The following CSMD1 variants were observed in gnomAD, a reference collection of about 807,000 sequenced individuals.
CSMD1 encodes the protein CUB and Sushi multiple domains 1.
Under a neutral mutation model 417.5 loss-of-function variants are expected in CSMD1, and 213 were observed. The observed-to-expected ratio is 0.51, with a 90% CI of 0.46 to 0.57. The LOEUF is 0.57. Among genes scored for constraint, CSMD1 ranks in the 20% least tolerant of loss-of-function variants. CSMD1 has a pLI of 0.00. For synonymous variants in CSMD1, 2,862 were observed against 1,736.8 expected, an observed-to-expected ratio of 1.65 and a Z score of -16.11; for missense variants, 6,923 against 4,529.7, an observed-to-expected ratio of 1.53 and a Z score of -15.17.
chr8:2,956,981 C>A (rs898764331), intron 63 of CSMD1, among the ~76,000 whole-genome samples: 2 of 150,782 alleles, frequency 1.3e-5, no homozygotes, highest in African/African-American at 2.5e-5. Context: ...ACCCAAAAAT[C>A]ACACCTTATA....
At chr8:4,195,869 A>G (rs1395355398) in intron 3 of CSMD1, among the ~76,000 whole-genome samples, 1 of 152,124 alleles carries the variant, frequency 6.6e-6, no homozygotes, top group East Asian at 1.9e-4. Context: ...AGCATGCGAG[A>G]CTTACGGCAG....
intron 8 of CSMD1, among the ~76,000 whole-genome samples, chr8:3,611,938 G>C (rs534077359): frequency 2.6e-5 from 4 of 152,148 alleles, no homozygotes; most frequent in South Asian, 2.1e-4. Flanking sequence ...TAAAATTTAA[G>C]ATGACATCAT....
At chr8:4,273,572 A>G (rs982841047) in intron 3 of CSMD1, among the ~76,000 whole-genome samples, 4 of 152,208 alleles carry the variant, frequency 2.6e-5, no homozygotes, top group Non-Finnish European at 5.9e-5. Context: ...ATTTTAATAT[A>G]AATATTTATC....
intron 25 of CSMD1, among the ~76,000 whole-genome samples, chr8:3,292,405 C>G (rs1446093907): frequency 6.6e-6 from 1 of 152,108 alleles, no homozygotes; most frequent in Non-Finnish European, 1.5e-5. Context: ...TCTCGTTGAT[C>G]TGTCTAATGT....
chr8:2,988,059 C>T (rs1158599702), intron 54 of CSMD1, among the ~76,000 whole-genome samples: 6 of 152,150 alleles, frequency 3.9e-5, no homozygotes, highest in African/African-American at 1.2e-4. Flanking sequence ...ATTAAAATAA[C>T]TATTTTAGCT....
At chr8:4,140,240 G>T (rs1026203537) in intron 3 of CSMD1, among the ~76,000 whole-genome samples, 20 of 132,614 alleles carry the variant, frequency 1.5e-4, no homozygotes, top group Admixed American at 1.1e-3. Context: ...GGCTCAGCCT[G>T]TCATCTAGCA....
At chr8:3,900,760 G>A (rs901970513) in intron 5 of CSMD1, among the ~76,000 whole-genome samples, 4 of 151,740 alleles carry the variant, frequency 2.6e-5, no homozygotes, top group African/African-American at 7.3e-5. Context: ...CTGGGTGACA[G>A]TACAGCTGGG....
intron 1 of CSMD1, among the ~76,000 whole-genome samples, chr8:4,821,979 A>G (rs1261419224): frequency 6.6e-6 from 1 of 152,032 alleles, no homozygotes; most frequent in African/African-American, 2.4e-5. Flanking sequence ...ACTACGTAAA[A>G]TAAAGTTCCT....
At chr8:4,399,516 C>T (rs916510596) in intron 3 of CSMD1, among the ~76,000 whole-genome samples, 1 of 152,098 alleles carries the variant, frequency 6.6e-6, no homozygotes. Flanking sequence ...GCTTAACATT[C>T]AAGAAACTTT....
At chr8:4,199,535 G>C (rs1421314284) in intron 3 of CSMD1, among the ~76,000 whole-genome samples, 2 of 152,150 alleles carry the variant, frequency 1.3e-5, no homozygotes, top group Non-Finnish European at 2.9e-5. Context: ...GCGATCATCA[G>C]TATTGAATCC....
At chr8:3,633,312 G>A (rs914365401) in intron 7 of CSMD1, among the ~76,000 whole-genome samples, 1 of 152,274 alleles carries the variant, frequency 6.6e-6, no homozygotes, top group Non-Finnish European at 1.5e-5. Context: ...AGTGCATCGT[G>A]TCATACATAA....
chr8:4,884,217 G>C (rs1371686956), intron 1 of CSMD1, among the ~76,000 whole-genome samples: 3 of 151,874 alleles, frequency 2.0e-5, no homozygotes, highest in Non-Finnish European at 4.4e-5. Flanking sequence ...GTGTGTGTGT[G>C]TGTGTACACA....
intron 8 of CSMD1, among the ~76,000 whole-genome samples, chr8:3,602,753 A>G (rs907592882): frequency 6.6e-6 from 1 of 151,866 alleles, no homozygotes; most frequent in African/African-American, 2.4e-5. Flanking sequence ...ACACACAGAA[A>G]AAGTGTTACA....
rs11463488 is a variant in CSMD1, at chr8:4,800,438, C to CAAA, written c.86-162883_86-162881dup. ...GGGTGACAAGAGCAAGACTTCATCT[C>CAAA]AAAAAAAAAAAAAAAAGGAAAATTA... On this transcript the variant is annotated intron_variant, in intron 1 of 69. Transcript: ENST00000635120. Among the ~76,000 whole-genome samples the CAAA allele has an allele frequency of 7.0e-3, 805 of 115,012 alleles. 14 individuals are homozygous for CAAA. The highest frequency in any genetic ancestry group is 0.024 in the African/African-American group (700 of 29,500). The allele number at this position is 115,012 out of a possible 152,430, so 75.5% of individuals were successfully genotyped here.
intron 5 of CSMD1, among the ~76,000 whole-genome samples, chr8:3,925,722 C>T (rs369176488): frequency 6.6e-6 from 1 of 152,048 alleles, no homozygotes; most frequent in Non-Finnish European, 1.5e-5. Flanking sequence ...TTACCTCCCG[C>T]CATGATTCTG....
At chr8:3,759,241 T>C (rs1159219518) in intron 5 of CSMD1, among the ~76,000 whole-genome samples, 1 of 152,184 alleles carries the variant, frequency 6.6e-6, no homozygotes, top group East Asian at 1.9e-4. Context: ...CATATCTCCA[T>C]AAAGTGGCTT....
intron 3 of CSMD1, among the ~76,000 whole-genome samples, chr8:4,299,426 C>T (rs999145674): frequency 4.6e-5 from 7 of 152,010 alleles, no homozygotes; most frequent in African/African-American, 1.5e-4. Context: ...TTTCAGGATT[C>T]CTACAGTCTT....
rs140676241 is a variant in CSMD1 at position 4,968,020 on chromosome 8, T to C, written c.85+26312A>G. 8.9e-3 allele frequency among the ~76,000 whole-genome samples: 1,351 copies of C among 152,230 alleles called. 19 individuals are homozygous for C. Among genetic ancestry groups the C allele is most frequent in the African/African-American group, 0.031 (1,288 of 41,538 alleles). On this transcript the variant is annotated intron_variant, in intron 1 of 69. Coordinates refer to ENST00000635120, the MANE Select transcript of CSMD1 (RefSeq NM_033225.6). ...TCAAATTGGCATCATTTTATATAAT[T>C]GAATCTGACAAATAAACCAAGCCAG...
chr8:3,506,973 T>C (rs772770102), intron 10 of CSMD1, among the ~76,000 whole-genome samples: 2 of 152,244 alleles, frequency 1.3e-5, no homozygotes, highest in African/African-American at 2.4e-5. Flanking sequence ...GTTTTGCTTA[T>C]CTTTGATATA....
Sources: gnomAD v4.1 joint callset for allele counts (sites outside exome capture counted in the v4.1 genomes callset) on GRCh38, gnomAD v4.1.1 for gene constraint, MANE v1.5 for transcripts, NCBI Gene and HGNC (gene_info 2026-07-23, HGNC 2026-07-21) for gene names.